ATP2B2: variants seen among roughly 807,000 people sequenced by gnomAD.
ATP2B2 encodes the protein plasma membrane calcium-transporting ATPase 2.
A neutral mutation model predicts 120.0 loss-of-function variants in ATP2B2; 15 were observed. The observed-to-expected ratio is 0.12, with a 90% confidence interval of 0.08 to 0.19. The LOEUF is 0.19. Ranked by LOEUF, ATP2B2 falls within the 10% of genes least tolerant of loss-of-function variation. ATP2B2 has a pLI of 1.00. For synonymous variants in ATP2B2, 694 were observed against 700.3 expected, an observed-to-expected ratio of 0.99 and a Z score of 0.14; for missense variants, 1,045 against 1,719.8, an observed-to-expected ratio of 0.61 and a Z score of 6.94.
chr3:10,393,212 C>A (rs1247293952), intron 5 of ATP2B2, among the ~76,000 whole-genome samples: 1 of 152,160 alleles, frequency 6.6e-6, no homozygotes, highest in Non-Finnish European at 1.5e-5. Flanking sequence ...GGGACACAGC[C>A]AGGCAAAGGT....
Position 10,341,603 on chromosome 3 carries a change from A to T in ATP2B2, c.2918-899T>A, listed in dbSNP as rs372896658. On this transcript the variant is annotated intron_variant, in intron 19 of 22. Coordinates refer to ENST00000360273, the MANE Select transcript of ATP2B2 (RefSeq NM_001001331.4). ...TGGGATTACAGGCATGAGCCACTGCACCTGGCCAAGTCCTGTGTCCTTTTG... is the reference window on the plus strand; with the variant it reads ...TGGGATTACAGGCATGAGCCACTGCTCCTGGCCAAGTCCTGTGTCCTTTTG... Among the ~76,000 whole-genome samples, 42 of 152,234 alleles carry T rather than the reference A, an allele frequency of 2.8e-4. 1 individual carries two copies. The East Asian group carries it at 6.6e-3, about 24-fold the overall frequency.
chr3:10,630,474 C>T (rs2069831410), intron 1 of ATP2B2, among the ~76,000 whole-genome samples: 1 of 152,200 alleles, frequency 6.6e-6, no homozygotes, highest in South Asian at 2.1e-4. Context: ...CTTCCAGCTC[C>T]ATCCATGTCC....
At chr3:10,701,258 A>G (rs2071813349) in intron 1 of ATP2B2, among the ~76,000 whole-genome samples, 1 of 152,200 alleles carries the variant, frequency 6.6e-6, no homozygotes, top group African/African-American at 2.4e-5. Flanking sequence ...TACCAGTCTC[A>G]TATACGAAGC....
intron 13 of ATP2B2, 151 bp downstream of exon 13, chr3:10,359,731 C>T: frequency 9.0e-7 from 1 of 1,104,980 alleles, no homozygotes; most frequent in Non-Finnish European, 1.3e-6. Context: ...TTGGGCAGGG[C>T]CCTCTGTGGC....
rs552810480 is a variant in ATP2B2, at chr3:10,625,326, C to T, written c.-459-5365G>A. ...TGGGACCCTATGCTGTCATGGGCTT[C>T]GGGGGCCTGGGTCAAGAGTGAGAAG... On this transcript the variant is annotated intron_variant, in intron 1 of 21. Coordinates refer to the ATP2B2 transcript ENST00000646379. 1.8e-4 allele frequency among the ~76,000 whole-genome samples: 27 copies of T among 152,220 alleles called. 1 individual carries two copies. The highest frequency in any genetic ancestry group is 6.3e-4 in the African/African-American group (26 of 41,538).
At chr3:10,704,514 T>G (rs2071868383) in intron 1 of ATP2B2, among the ~76,000 whole-genome samples, 1 of 150,260 alleles carries the variant, frequency 6.7e-6, no homozygotes, top group African/African-American at 2.5e-5. Flanking sequence ...CTGCAGAGCA[T>G]TAAATCTAGC....
intron 3 of ATP2B2, among the ~76,000 whole-genome samples, chr3:10,510,738 A>C (rs974829315): frequency 6.6e-6 from 1 of 152,238 alleles, no homozygotes; most frequent in African/African-American, 2.4e-5. Flanking sequence ...TTGGGGAAGC[A>C]GGAGCTACTC....
chr3:10,477,930 A>T (rs1358357267), intron 1 of ATP2B2, among the ~76,000 whole-genome samples: 1 of 152,166 alleles, frequency 6.6e-6, no homozygotes, highest in East Asian at 1.9e-4. Flanking sequence ...ATCGTGGAAT[A>T]ATTCTGTTTG....
intron 3 of ATP2B2, among the ~76,000 whole-genome samples, chr3:10,403,264 C>T (rs889158648): frequency 6.6e-6 from 1 of 152,176 alleles, no homozygotes; most frequent in Non-Finnish European, 1.5e-5. Context: ...GAGGAGTGAG[C>T]CGCCCTCCAC....
chr3:10,429,852 A>G (rs768000888), intron 2 of ATP2B2, among the ~76,000 whole-genome samples: 11 of 152,392 alleles, frequency 7.2e-5, no homozygotes, highest in Admixed American at 1.3e-4. Flanking sequence ...CTGAATGATA[A>G]GAAAGTGAAA....
intron 2 of ATP2B2, among the ~76,000 whole-genome samples, chr3:10,420,120 G>A (rs1364258361): frequency 6.6e-6 from 1 of 152,234 alleles, no homozygotes; most frequent in East Asian, 1.9e-4. Context: ...GCAGACGCGG[G>A]CACACAAAGG....
intron 2 of ATP2B2, among the ~76,000 whole-genome samples, chr3:10,549,693 TTTTC>T (rs1247545146): frequency 6.6e-6 from 1 of 151,858 alleles, no homozygotes; most frequent in Non-Finnish European, 1.5e-5. Flanking sequence ...TCCTTTTCTG[TTTTC>T]TTTCTTTTTC....
rs537185205 is a variant in ATP2B2 at position 10,496,442 on chromosome 3, G to C, written c.-320+9023C>G. Among the ~76,000 whole-genome samples the C allele has an allele frequency of 6.6e-5, 10 of 152,334 alleles. 1 individual carries two copies. In the East Asian group the frequency reaches 1.7e-3, roughly 26 times the overall value. On this transcript the variant is annotated intron_variant, in intron 1 of 22. Coordinates refer to ENST00000360273, the MANE Select transcript of ATP2B2 (RefSeq NM_001001331.4). ...CGTGGCCAATAACTATCTGATATGG[G>C]GTATGAAAGGCCAGCTTTTTTGCTT... is the stretch of plus-strand genomic sequence containing the variant.
At position 10,378,654 on chromosome 3, in the gene ATP2B2, T is replaced by G. The variant is rs2075312; in HGVS notation, c.1043-244A>C. Among the ~76,000 whole-genome samples, 28,511 of 152,182 alleles carry G rather than the reference T, an allele frequency of 0.19. 3,190 individuals carry two copies. The highest frequency in any genetic ancestry group is 0.37 in the East Asian group (1,916 of 5,156). On this transcript the variant is annotated intron_variant, in intron 9 of 22. Coordinates refer to ENST00000360273, the MANE Select transcript of ATP2B2 (RefSeq NM_001001331.4). ...CTGGAATCTGGGACACAGCAGGGAC[T>G]GATGCTGTTACCCTGGATCCCCCTC...
intron 1 of ATP2B2, among the ~76,000 whole-genome samples, chr3:10,456,093 CA>C (rs1333586603): frequency 6.6e-6 from 1 of 152,046 alleles, no homozygotes; most frequent in Non-Finnish European, 1.5e-5. Flanking sequence ...GAGGAAGGAG[CA>C]ATATTTTTTT....
chr3:10,470,220 T>C (rs933362806), intron 1 of ATP2B2, among the ~76,000 whole-genome samples: 2 of 152,176 alleles, frequency 1.3e-5, no homozygotes, highest in Non-Finnish European at 2.9e-5. Context: ...GTATAGCTGC[T>C]ACCTTCAGGA....
intron 1 of ATP2B2, among the ~76,000 whole-genome samples, chr3:10,487,062 A>C (rs1275416317): frequency 6.6e-6 from 1 of 152,130 alleles, no homozygotes; most frequent in Non-Finnish European, 1.5e-5. Context: ...TATTAATGAG[A>C]ACTCCTCTGT....
intron 3 of ATP2B2, among the ~76,000 whole-genome samples, chr3:10,513,378 G>A (rs928691940): frequency 1.3e-5 from 2 of 152,180 alleles, no homozygotes; most frequent in Non-Finnish European, 2.9e-5. Flanking sequence ...ATGGCTGGGG[G>A]AAAGTGTGGG....
intron 1 of ATP2B2, among the ~76,000 whole-genome samples, chr3:10,501,157 C>A (rs894952895): frequency 2.0e-5 from 3 of 152,178 alleles, no homozygotes; most frequent in African/African-American, 7.2e-5. Context: ...GTCCTGCCAG[C>A]CGTGGTCTCT....
Sources: gnomAD v4.1 joint callset for allele counts (sites outside exome capture counted in the v4.1 genomes callset) on GRCh38, gnomAD v4.1.1 for gene constraint, MANE v1.5 for transcripts, NCBI Gene and HGNC (gene_info 2026-07-23, HGNC 2026-07-21) for gene names.